Variants in XKR4 observed in about 807,000 individuals in gnomAD.
The protein encoded by XKR4 is XK related 4.
Under a neutral mutation model 53.9 loss-of-function variants are expected in XKR4, and 12 were observed. The observed-to-expected ratio is 0.22, with a 90% confidence interval of 0.14 to 0.36. The LOEUF is 0.36. Among genes scored for constraint, XKR4 ranks in the 10% least tolerant of loss-of-function variants. The pLI is 1.00. For synonymous variants in XKR4, 354 were observed against 362.4 expected, an observed-to-expected ratio of 0.98 and a Z score of 0.26; for missense variants, 799 against 859.5, an observed-to-expected ratio of 0.93 and a Z score of 0.88.
At chr8:55,483,324 T>C (rs1806141839) in intron 2 of XKR4, among the ~76,000 whole-genome samples, 1 of 152,126 alleles carries the variant, frequency 6.6e-6, no homozygotes, top group Non-Finnish European at 1.5e-5. Flanking sequence ...AACTGTTATT[T>C]AGGAAATGAA....
intron 1 of XKR4, among the ~76,000 whole-genome samples, chr8:55,115,475 T>C (rs147218976): frequency 8.9e-4 from 135 of 152,060 alleles, no homozygotes; most frequent in African/African-American, 3.1e-3. Context: ...AAGTGAAAGA[T>C]TGAAGTCTTT....
At chr8:55,223,049 C>A (rs759817012) in intron 1 of XKR4, among the ~76,000 whole-genome samples, 3 of 152,082 alleles carry the variant, frequency 2.0e-5, no homozygotes, top group Non-Finnish European at 4.4e-5. Context: ...GAGGAAAGAG[C>A]ACCTGACTGA....
rs139824223 is a variant in XKR4 at position 55,487,394 on chromosome 8, ACTAATTGCCT to A, written c.1007-35884_1007-35875del. On this transcript the variant is annotated intron_variant, in intron 2 of 2. Coordinates refer to ENST00000327381, the MANE Select transcript of XKR4 (RefSeq NM_052898.2). ...CCACATAGTCCACTCAGACTCACAC[ACTAATTGCCT>A]CTGGAAACACCCTCACAGACACACC... Among the ~76,000 whole-genome samples, 328 of 152,042 alleles carry A rather than the reference ACTAATTGCCT, an allele frequency of 2.2e-3. 8 individuals carry two copies. In the East Asian group the frequency reaches 0.05, roughly 23 times the overall value.
intron 1 of XKR4, among the ~76,000 whole-genome samples, chr8:55,153,013 C>T (rs1486386087): frequency 6.6e-6 from 1 of 152,168 alleles, no homozygotes; most frequent in African/African-American, 2.4e-5. Flanking sequence ...GAGGCCATAG[C>T]TTCTATTCCA....
At chr8:55,119,463 T>C (rs1452489033) in intron 1 of XKR4, among the ~76,000 whole-genome samples, 1 of 151,578 alleles carries the variant, frequency 6.6e-6, no homozygotes, top group African/African-American at 2.4e-5. Context: ...TGCTGTGTTG[T>C]GTAGAGGGCT....
chr8:55,406,689 C>G (rs1804689223), intron 2 of XKR4, among the ~76,000 whole-genome samples: 1 of 152,128 alleles, frequency 6.6e-6, no homozygotes, highest in Non-Finnish European at 1.5e-5. Context: ...CCTCATTTGC[C>G]CTAGCTATAA....
At chr8:55,395,464 G>A (rs1194864455) in intron 2 of XKR4, among the ~76,000 whole-genome samples, 4 of 152,138 alleles carry the variant, frequency 2.6e-5, no homozygotes, top group Non-Finnish European at 5.9e-5. Context: ...AGCACAGGAT[G>A]TGTACCAGGG....
chr8:55,464,171 A>C (rs927939601), intron 2 of XKR4, among the ~76,000 whole-genome samples: 5 of 152,160 alleles, frequency 3.3e-5, no homozygotes, highest in Non-Finnish European at 4.4e-5. Flanking sequence ...GAGACACAAC[A>C]AAAAAAGAGA....
chr8:55,465,765 A>G (rs1254972319), intron 2 of XKR4, among the ~76,000 whole-genome samples: 2 of 152,082 alleles, frequency 1.3e-5, no homozygotes, highest in African/African-American at 2.4e-5. Flanking sequence ...TCCAGAATCT[A>G]CAATGAACTC....
intron 2 of XKR4, among the ~76,000 whole-genome samples, chr8:55,390,331 A>C (rs1169433202): frequency 2.0e-5 from 3 of 152,210 alleles, no homozygotes; most frequent in African/African-American, 7.2e-5. Flanking sequence ...AAGCCTAATA[A>C]ATACAATTTT....
intron 1 of XKR4, among the ~76,000 whole-genome samples, chr8:55,300,070 A>C (rs1001300788): frequency 6.6e-6 from 1 of 152,200 alleles, no homozygotes; most frequent in African/African-American, 2.4e-5. Context: ...CCACGAATTC[A>C]TGGATACCAA....
intron 1 of XKR4, among the ~76,000 whole-genome samples, chr8:55,268,236 T>C (rs1280474946): frequency 1.3e-5 from 2 of 152,216 alleles, no homozygotes; most frequent in Non-Finnish European, 2.9e-5. Flanking sequence ...ATTAGAGTCA[T>C]TCATTTTCAT....
intron 1 of XKR4, among the ~76,000 whole-genome samples, chr8:55,341,739 T>C (rs1306811891): frequency 6.6e-6 from 1 of 152,176 alleles, no homozygotes; most frequent in Non-Finnish European, 1.5e-5. Flanking sequence ...GCTTTCAAAC[T>C]CTTGGCCTTG....
chr8:55,233,855 A>G (rs1194656147), intron 1 of XKR4, among the ~76,000 whole-genome samples: 3 of 152,268 alleles, frequency 2.0e-5, no homozygotes, highest in African/African-American at 4.8e-5. Flanking sequence ...AAAGCATGAA[A>G]AAAAGCAGAA....
chr8:55,366,420 T>G (rs1803987398), intron 2 of XKR4, among the ~76,000 whole-genome samples: 1 of 152,168 alleles, frequency 6.6e-6, no homozygotes, highest in African/African-American at 2.4e-5. Flanking sequence ...GCGCTCTAGA[T>G]CATGGAGGTT....
In XKR4 at chr8:55,536,474, G is replaced by C. The variant is rs1423267885; in HGVS notation, c.*12247G>C. On this transcript the variant is annotated 3_prime_UTR_variant, in exon 3 of 3. Transcript: ENST00000327381. ...AAATATCCTGATGAAAAGTGGCCAA[G>C]TAGATCACTCAAGTGGTAAATTTGG... 6.6e-6 allele frequency: 1 copy of C among 152,202 alleles called. No individual in the cohort carries two copies. Among genetic ancestry groups the C allele is most frequent in the African/African-American group, 2.4e-5 (1 of 41,448 alleles). 9.4% of individuals were successfully genotyped at this position (152,202 alleles called of 1,614,324 possible). A position where few individuals can be genotyped will look rare whatever the true frequency, so the allele number is the denominator to read the frequency against.
intron 2 of XKR4, among the ~76,000 whole-genome samples, chr8:55,470,349 G>T (rs1453638204): frequency 6.6e-6 from 1 of 152,094 alleles, no homozygotes; most frequent in Non-Finnish European, 1.5e-5. Flanking sequence ...GGGACCCAAT[G>T]GGAGATAAAT....
At chr8:55,221,245 A>G (rs1817877098) in intron 1 of XKR4, among the ~76,000 whole-genome samples, 1 of 152,244 alleles carries the variant, frequency 6.6e-6, no homozygotes, top group Admixed American at 6.5e-5. Context: ...ATTATATAAG[A>G]TAAGCCGACA....
intron 1 of XKR4, among the ~76,000 whole-genome samples, chr8:55,267,029 C>T (rs923380566): frequency 6.6e-6 from 1 of 152,064 alleles, no homozygotes; most frequent in African/African-American, 2.4e-5. Flanking sequence ...TTAATAATTA[C>T]TGGAACAAGA....
Sources: gnomAD v4.1 joint callset for allele counts (sites outside exome capture counted in the v4.1 genomes callset) on GRCh38, gnomAD v4.1.1 for gene constraint, MANE v1.5 for transcripts, NCBI Gene and HGNC (gene_info 2026-07-23, HGNC 2026-07-21) for gene names.